Variants in KCNH1 observed in about 807,000 individuals in gnomAD.
KCNH1 encodes the protein potassium voltage-gated channel subfamily H member 1, also known as voltage-gated delayed rectifier potassium channel KCNH1.
KCNH1 carries 27 observed loss-of-function variants against 69.2 expected under a neutral mutation model. The observed-to-expected ratio is 0.39, with a 90% CI of 0.29 to 0.54. The LOEUF (loss-of-function observed/expected upper bound fraction) is 0.54, where lower values mean the gene tolerates loss of function less well. Among genes scored for constraint, KCNH1 ranks in the 20% least tolerant of loss-of-function variants. KCNH1 has a pLI of 0.68. For synonymous variants in KCNH1, 456 were observed against 487.7 expected, an observed-to-expected ratio of 0.93 and a Z score of 0.86; for missense variants, 798 against 1,261.6, an observed-to-expected ratio of 0.63 and a Z score of 5.57.
rs145022742 is a variant in KCNH1 at position 210,796,276 on chromosome 1, T to C, written c.1915+1232A>G. Among the ~76,000 whole-genome samples the C allele has an allele frequency of 4.6e-5, 7 of 152,242 alleles. 1 individual carries two copies. The highest frequency in any genetic ancestry group is 1.7e-4 in the African/African-American group (7 of 41,532). On this transcript the variant is annotated intron_variant, in intron 9 of 10. Coordinates refer to ENST00000271751, the MANE Select transcript of KCNH1 (RefSeq NM_172362.3). ...GGACCTCATCAGCCATGAGGAAATT[T>C]CCTTAATCTCTTTGAACTTTAATTC...
At chr1:210,879,439 C>T (rs919171107) in intron 7 of KCNH1, among the ~76,000 whole-genome samples, 5 of 151,810 alleles carry the variant, frequency 3.3e-5, no homozygotes, top group South Asian at 4.1e-4. Context: ...TATGCAAGGC[C>T]AGTTCAACAT....
At chr1:210,987,335 T>C (rs1248766926) in intron 6 of KCNH1, among the ~76,000 whole-genome samples, 2 of 152,232 alleles carry the variant, frequency 1.3e-5, no homozygotes, top group Non-Finnish European at 2.9e-5. Flanking sequence ...AGGAGCTGCG[T>C]TTCTTTCGAG....
At chr1:210,732,020 G>A (rs1682758258) in intron 10 of KCNH1, among the ~76,000 whole-genome samples, 1 of 152,032 alleles carries the variant, frequency 6.6e-6, no homozygotes. Context: ...GAGGCATGCA[G>A]GCCCCTGAGC....
At chr1:211,119,119 G>C (rs1691640517) in intron 1 of KCNH1, among the ~76,000 whole-genome samples, 1 of 152,198 alleles carries the variant, frequency 6.6e-6, no homozygotes, top group African/African-American at 2.4e-5. Context: ...CCAGCACTTT[G>C]GGAGGCCGAG....
rs531262476 is a variant in KCNH1, at chr1:210,693,997, C to G, written c.2113-9859G>C. On this transcript the variant is annotated intron_variant, in intron 10 of 10. Coordinates refer to ENST00000271751, the MANE Select transcript of KCNH1 (RefSeq NM_172362.3). ...GCTTGCCCGCTTATGTCTCCACTCCCAGGAGATTCTACTCTGATCCCTCAA... is the reference window on the plus strand; with the variant it reads ...GCTTGCCCGCTTATGTCTCCACTCCGAGGAGATTCTACTCTGATCCCTCAA... Among the ~76,000 whole-genome samples, 35 of 152,298 alleles carry G rather than the reference C, an allele frequency of 2.3e-4. No individual in the cohort carries two copies. The South Asian group carries it at 7.1e-3, about 31-fold the overall frequency.
chr1:210,825,414 G>A (rs559704904), intron 7 of KCNH1, among the ~76,000 whole-genome samples: 2 of 152,230 alleles, frequency 1.3e-5, no homozygotes, highest in South Asian at 4.1e-4. Context: ...AAATATATGA[G>A]TACATGGCAG....
intron 6 of KCNH1, among the ~76,000 whole-genome samples, chr1:210,975,620 T>C (rs768763053): frequency 6.6e-6 from 1 of 152,252 alleles, no homozygotes; most frequent in Middle Eastern, 3.4e-3. Flanking sequence ...TAAAGACTTA[T>C]ATGTTAGACC....
intron 5 of KCNH1, among the ~76,000 whole-genome samples, chr1:211,063,000 T>C (rs940513398): frequency 2.6e-5 from 4 of 152,236 alleles, no homozygotes; most frequent in Non-Finnish European, 5.9e-5. Context: ...AAGAGATATC[T>C]GCACTTCCCA....
intron 10 of KCNH1, among the ~76,000 whole-genome samples, chr1:210,705,738 A>T (rs894915790): frequency 1.3e-5 from 2 of 152,070 alleles, no homozygotes; most frequent in South Asian, 2.1e-4. Flanking sequence ...CATTTCCCCC[A>T]TGCTCTGTAG....
intron 7 of KCNH1, among the ~76,000 whole-genome samples, chr1:210,855,558 A>G (rs1685815458): frequency 1.3e-5 from 2 of 152,242 alleles, no homozygotes; most frequent in Non-Finnish European, 2.9e-5. Context: ...GCAACTAAAC[A>G]TAAAACACAG....
In KCNH1 at chr1:211,115,279, G is replaced by A. The variant is rs1288916980; in HGVS notation, c.80-7902C>T. ...GCTGGGATTACAGGCATGAGTCACC[G>A]CACCTAGCAAGAATTAATATCGTTA... On this transcript the variant is annotated intron_variant, in intron 1 of 10. Coordinates refer to ENST00000271751, the MANE Select transcript of KCNH1 (RefSeq NM_172362.3). Among the ~76,000 whole-genome samples the A allele has an allele frequency of 8.5e-5, 13 of 152,206 alleles. 1 individual carries two copies. The highest frequency in any genetic ancestry group is 3.3e-4 in the Admixed American group (5 of 15,290).
rs144782376 is a variant in KCNH1 at position 210,859,966 on chromosome 1, C to T, written c.1463-55800G>A. On this transcript the variant is annotated intron_variant, in intron 7 of 10. Coordinates refer to ENST00000271751, the MANE Select transcript of KCNH1 (RefSeq NM_172362.3). ...ATAGTTCAAAGTTCACTTGTCTTAACCTCTCTTGGCAGTCTTTCTAAGGCT... is the reference window on the plus strand; with the variant it reads ...ATAGTTCAAAGTTCACTTGTCTTAATCTCTCTTGGCAGTCTTTCTAAGGCT... 1,012 of 1,590,698 alleles carry T rather than the reference C, an allele frequency of 6.4e-4. 7 individuals are homozygous for T. In the African/African-American group the frequency reaches 0.012, roughly 19 times the overall value.
At chr1:210,896,120 G>C (rs1686861312) in intron 7 of KCNH1, among the ~76,000 whole-genome samples, 3 of 152,058 alleles carry the variant, frequency 2.0e-5, no homozygotes, top group African/African-American at 7.2e-5. Flanking sequence ...CCCCATTCTT[G>C]GATGTTAGCT....
rs568329346 is a variant in KCNH1, at chr1:210,804,361, T to G, written c.1463-195A>C. ...GGCATGGATGCAAAGAAAGAGCCTC[T>G]TACCACCAAGCTACTAGGAGAAACG... is the stretch of plus-strand genomic sequence containing the variant. On this transcript the variant is annotated intron_variant, in intron 7 of 10. Coordinates refer to ENST00000271751, the MANE Select transcript of KCNH1 (RefSeq NM_172362.3). Among the ~76,000 whole-genome samples, 27 of 152,204 alleles carry G rather than the reference T, an allele frequency of 1.8e-4. 1 individual carries two copies. In the South Asian group the frequency reaches 5.2e-3, roughly 29 times the overall value.
intron 1 of KCNH1, among the ~76,000 whole-genome samples, chr1:211,118,288 A>G (rs1571661546): frequency 1.3e-5 from 2 of 152,248 alleles, no homozygotes; most frequent in African/African-American, 4.8e-5. Flanking sequence ...CAATCAGCCA[A>G]TAACCCATTC....
In KCNH1 at chr1:210,774,126, G is replaced by A. The variant is rs552999690; in HGVS notation, c.2112+1222C>T. Among the ~76,000 whole-genome samples the A allele has an allele frequency of 2.0e-5, 3 of 152,132 alleles. No individual in the cohort carries two copies. In the East Asian group the frequency reaches 5.8e-4, roughly 29 times the overall value. On this transcript the variant is annotated intron_variant, in intron 10 of 10. Transcript: ENST00000271751. ...CAGGGGTTAAGTTTGGGCCAGATGT[G>A]GACAATCACATACACCATGCTGAAA...
chr1:210,772,578 A>T (rs1028435879), intron 10 of KCNH1, among the ~76,000 whole-genome samples: 1 of 151,590 alleles, frequency 6.6e-6, no homozygotes, highest in African/African-American at 2.4e-5. Context: ...CTTCCTCTGG[A>T]TCCATACCAG....
chr1:210,846,489 C>G (rs1490843101), intron 7 of KCNH1, among the ~76,000 whole-genome samples: 13 of 152,072 alleles, frequency 8.5e-5, no homozygotes, highest in Admixed American at 8.5e-4. Flanking sequence ...AAAGGATTCC[C>G]TATTTAATAA....
At chr1:210,944,029 C>G (rs1381050275) in intron 6 of KCNH1, among the ~76,000 whole-genome samples, 1 of 152,122 alleles carries the variant, frequency 6.6e-6, no homozygotes, top group Non-Finnish European at 1.5e-5. Context: ...AAAGTAGGCA[C>G]TAAAAGACTC....
Sources: gnomAD v4.1 joint callset for allele counts (sites outside exome capture counted in the v4.1 genomes callset) on GRCh38, gnomAD v4.1.1 for gene constraint, MANE v1.5 for transcripts, NCBI Gene and HGNC (gene_info 2026-07-23, HGNC 2026-07-21) for gene names.